The following EFHD1 variants were observed in gnomAD, a reference collection of about 807,000 sequenced individuals.
The protein encoded by EFHD1 is EF-hand domain family member D1, also known as EF-hand domain-containing protein D1.
A neutral mutation model predicts 17.2 loss-of-function variants in EFHD1; 10 were observed. The observed-to-expected ratio is 0.58, with a 90% CI of 0.36 to 0.99. The LOEUF is 0.99. EFHD1 is among the 50% of genes least tolerant of loss of function. EFHD1 has a pLI of 0.01. For missense variants in EFHD1, 310 were observed against 327.5 expected (o/e 0.95, Z 0.41); for synonymous variants, 153 against 142.0 (o/e 1.08, Z -0.55).
At chr2:232,630,797 AAAAG>A (rs1553596827), upstream of EFHD1, among the ~76,000 whole-genome samples, 26 of 138,146 alleles carry the variant, frequency 1.9e-4, no homozygotes, top group Admixed American at 5.9e-4. Flanking sequence ...AAAAAAAAAA[AAAAG>A]AAAGAAAGAA....
At chr2:232,653,835 C>A (rs941726494) in intron 1 of EFHD1, among the ~76,000 whole-genome samples, 1 of 152,218 alleles carries the variant, frequency 6.6e-6, no homozygotes, top group Non-Finnish European at 1.5e-5. Flanking sequence ...TTCTATGGGA[C>A]TTGCCCACTG....
intron 1 of EFHD1, among the ~76,000 whole-genome samples, chr2:232,609,920 C>T (rs1693781251): frequency 6.6e-6 from 1 of 152,184 alleles, no homozygotes; most frequent in Non-Finnish European, 1.5e-5. Flanking sequence ...GGGAGAAGCA[C>T]CGTTTGCCTT....
chr2:232,659,045 G>T, intron 1 of EFHD1, among the ~76,000 whole-genome samples: 1 of 151,776 alleles, frequency 6.6e-6, no homozygotes, highest in Non-Finnish European at 1.5e-5. Context: ...CTAGATCCTG[G>T]GCTGGTGCAT....
chr2:232,635,993 A>G (rs1458290037), intron 1 of EFHD1, among the ~76,000 whole-genome samples: 1 of 152,166 alleles, frequency 6.6e-6, no homozygotes, highest in African/African-American at 2.4e-5. Context: ...AAAAGCCATC[A>G]CTAGCTTCAG....
chr2:232,607,302 C>T (rs776198146), intron 1 of EFHD1, among the ~76,000 whole-genome samples: 1 of 151,480 alleles, frequency 6.6e-6, no homozygotes, highest in Non-Finnish European at 1.5e-5. Context: ...ATTAGCCGGT[C>T]GGGCTGGGCG....
intron 1 of EFHD1, among the ~76,000 whole-genome samples, chr2:232,640,802 T>C (rs1694417344): frequency 6.6e-6 from 1 of 152,034 alleles, no homozygotes; most frequent in African/African-American, 2.4e-5. Flanking sequence ...GGGCTCCTGG[T>C]CGTTCTGGGC....
chr2:232,606,997 C>A (rs73093532), intron 1 of EFHD1, among the ~76,000 whole-genome samples: 9,980 of 148,598 alleles, frequency 0.067, 994 homozygotes, highest in African/African-American at 0.22. Context: ...TTTTTTTTTT[C>A]TTATTATGTT....
At chr2:232,614,133 C>G (rs146124496) in intron 1 of EFHD1, among the ~76,000 whole-genome samples, 1 of 151,892 alleles carries the variant, frequency 6.6e-6, no homozygotes, top group African/African-American at 2.4e-5. Flanking sequence ...TACATATGTA[C>G]ACACATACAT....
At chr2:232,606,086 G>A in exon 1 of EFHD1, 1 of 1,517,622 alleles carries the variant, frequency 6.6e-7, no homozygotes, top group East Asian at 2.4e-5. Flanking sequence ...CCCGGCCTTG[G>A]CGGCTGCTTG....
chr2:232,641,863 G>T (rs919905399), intron 1 of EFHD1, among the ~76,000 whole-genome samples: 6 of 152,226 alleles, frequency 3.9e-5, no homozygotes, highest in Non-Finnish European at 7.3e-5. Context: ...TGGGTAGGCA[G>T]CATAGTGAGG....
chr2:232,664,233 G>A (rs1219800320), intron 2 of EFHD1, among the ~76,000 whole-genome samples: 1 of 151,900 alleles, frequency 6.6e-6, no homozygotes, highest in Non-Finnish European at 1.5e-5. Flanking sequence ...CAAACTCCCA[G>A]TATCAACCCA....
At chr2:232,631,590 T>G (rs112548643), upstream of EFHD1, among the ~76,000 whole-genome samples, 117 of 150,202 alleles carry the variant, frequency 7.8e-4, 1 homozygote, top group Middle Eastern at 3.5e-3. Context: ...GGATTACAGG[T>G]GTGAGCCACC....
intron 1 of EFHD1, among the ~76,000 whole-genome samples, chr2:232,616,667 G>T (rs1479536628): frequency 1.3e-5 from 2 of 152,190 alleles, no homozygotes; most frequent in African/African-American, 4.8e-5. Context: ...AATGGTGGTT[G>T]CATAGGGCTG....
At chr2:232,668,091 C>T (rs1034925942) in intron 2 of EFHD1, among the ~76,000 whole-genome samples, 1 of 152,208 alleles carries the variant, frequency 6.6e-6, no homozygotes, top group Non-Finnish European at 1.5e-5. Context: ...ACCTCTCCTT[C>T]CCTCCCCCTC....
At chr2:232,658,656 TG>T (rs1268156101) in intron 1 of EFHD1, among the ~76,000 whole-genome samples, 1 of 152,026 alleles carries the variant, frequency 6.6e-6, no homozygotes, top group African/African-American at 2.4e-5. Flanking sequence ...TGTGGTATAT[TG>T]ATACAGTGGA....
chr2:232,612,372 A>G (rs564507180), intron 1 of EFHD1, among the ~76,000 whole-genome samples: 1 of 152,192 alleles, frequency 6.6e-6, no homozygotes, highest in Non-Finnish European at 1.5e-5. Context: ...CAATCTATGT[A>G]TCTAGTAAAA....
intron 1 of EFHD1, among the ~76,000 whole-genome samples, chr2:232,616,499 A>C (rs1693930978): frequency 6.6e-6 from 1 of 151,702 alleles, no homozygotes; most frequent in South Asian, 2.1e-4. Flanking sequence ...GGGTTTCACC[A>C]TATTGGTCAA....
At chr2:232,669,923 G>A (rs1695038619) in intron 2 of EFHD1, among the ~76,000 whole-genome samples, 1 of 152,008 alleles carries the variant, frequency 6.6e-6, no homozygotes, top group Non-Finnish European at 1.5e-5. Context: ...TAGGGAAGAG[G>A]GTTATGAAAA....
At position 232,608,585 on chromosome 2, in the gene EFHD1, T is replaced by C. The variant is rs188904206; in HGVS notation, c.14+2412T>C. On this transcript the variant is annotated intron_variant, in intron 1 of 3. Coordinates refer to the EFHD1 transcript ENST00000409613. ...ATGGGAATGGGGAGCCAATTGTACT[T>C]GGGAAAAAGAGAAGAAAACACTTGA... Among the ~76,000 whole-genome samples, 494 of 152,210 alleles carry C rather than the reference T, an allele frequency of 3.2e-3. 3 individuals are homozygous for C. The highest frequency in any genetic ancestry group is 5.9e-3 in the Non-Finnish European group (403 of 67,998).
Sources: allele counts gnomAD v4.1 joint callset (sites outside exome capture counted in the v4.1 genomes callset), GRCh38; gene constraint gnomAD v4.1.1; transcripts MANE v1.5; gene names NCBI Gene and HGNC (gene_info 2026-07-23, HGNC 2026-07-21).